SPMAP2: variants seen among roughly 807,000 people sequenced by gnomAD.
The protein encoded by SPMAP2 is Theg homolog.
At chr19:367,316 A>C in the SPMAP2 span, 1 of 1,203,086 alleles carries the variant, frequency 8.3e-7, no homozygotes, top group Admixed American at 2.9e-5. Context: ...CAACACTGAA[A>C]GACACAAGAC....
At chr19:363,394 T>A in the SPMAP2 span, among the ~76,000 whole-genome samples, 2 of 151,452 alleles carry the variant, frequency 1.3e-5, no homozygotes, top group Non-Finnish European at 3.0e-5. Context: ...GGTTTCACCA[T>A]GTTGGCCAGG....
chr19:372,633 G>T, the SPMAP2 span: 2 of 1,613,534 alleles, frequency 1.2e-6, no homozygotes, highest in Non-Finnish European at 8.5e-7. Context: ...TCCCCCACCT[G>T]TTGTTGTTGT....
At chr19:363,494 ATT>A in the SPMAP2 span, among the ~76,000 whole-genome samples, 5 of 144,820 alleles carry the variant, frequency 3.5e-5, no homozygotes, top group Non-Finnish European at 1.5e-5. Flanking sequence ...TGCCTGGCCT[ATT>A]TTTTATTTTA....
At chr19:366,984 C>G in the SPMAP2 span, 1 of 1,459,468 alleles carries the variant, frequency 6.9e-7, no homozygotes, top group Non-Finnish European at 9.2e-7. Context: ...TTCCCTCTGC[C>G]CGCTCTAGGC....
the SPMAP2 span, among the ~76,000 whole-genome samples, chr19:364,322 GCGAAGCTCTGTCT>G: frequency 7.9e-6 from 1 of 126,110 alleles, no homozygotes; most frequent in Non-Finnish European, 1.6e-5. Flanking sequence ...GGGTGACAGA[GCGAAGCTCTGTCT>G]CAAAAAAAAA....
At chr19:375,740 G>A in the SPMAP2 span, 4 of 1,609,518 alleles carry the variant, frequency 2.5e-6, no homozygotes, top group Non-Finnish European at 3.4e-6. Flanking sequence ...TGGGATCCAG[G>A]GTCTCCGGGA....
the SPMAP2 span, among the ~76,000 whole-genome samples, chr19:363,270 G>A: frequency 5.9e-5 from 9 of 151,940 alleles, no homozygotes; most frequent in Non-Finnish European, 8.8e-5. Context: ...TCGGCTCACT[G>A]CAACCTCCGC....
At chr19:373,589 A>G in the SPMAP2 span, 2,544 of 1,564,586 alleles carry the variant, frequency 1.6e-3, 2 homozygotes, top group Non-Finnish European at 2.0e-3. Flanking sequence ...CCTGCCCGGA[A>G]ACAAGCCTGG....
the SPMAP2 span, among the ~76,000 whole-genome samples, chr19:369,117 C>T: frequency 6.6e-6 from 1 of 152,174 alleles, no homozygotes; most frequent in South Asian, 2.1e-4. Context: ...GGGAGAGATG[C>T]TGTCACTTTA....
At chr19:365,192 G>A in the SPMAP2 span, among the ~76,000 whole-genome samples, 3 of 152,210 alleles carry the variant, frequency 2.0e-5, no homozygotes, top group Non-Finnish European at 4.4e-5. Flanking sequence ...TCCATATACT[G>A]GTACAGGTGT....
the SPMAP2 span, chr19:374,248 A>T: frequency 6.9e-6 from 11 of 1,604,038 alleles, no homozygotes; most frequent in Admixed American, 1.8e-4. Context: ...AAGGGTGCAG[A>T]GAAAGCCGCC....
the SPMAP2 span, among the ~76,000 whole-genome samples, chr19:370,373 G>A: frequency 9.3e-5 from 14 of 149,748 alleles, no homozygotes; most frequent in Non-Finnish European, 1.6e-4. Flanking sequence ...GCGGAGTCTC[G>A]CTCTGTCGCC....
chr19:370,119 G>A, the SPMAP2 span, among the ~76,000 whole-genome samples: 1 of 152,226 alleles, frequency 6.6e-6, no homozygotes, highest in Non-Finnish European at 1.5e-5. Flanking sequence ...GAGCGCCTGA[G>A]CGCAATCCCC....
chr19:362,730 C>G, the SPMAP2 span, among the ~76,000 whole-genome samples: 3 of 144,086 alleles, frequency 2.1e-5, no homozygotes, highest in African/African-American at 7.9e-5. Flanking sequence ...CGCGTCACTG[C>G]ACTCCAGCCT....
chr19:372,504 C>T, the SPMAP2 span: 34 of 914,638 alleles, frequency 3.7e-5, no homozygotes, highest in African/African-American at 3.3e-4. Context: ...AGGCCAGCCC[C>T]GTCTGAACAC....
the SPMAP2 span, among the ~76,000 whole-genome samples, chr19:366,746 G>A: frequency 1.7e-4 from 26 of 152,180 alleles, no homozygotes; most frequent in African/African-American, 4.6e-4. Context: ...TACCCTTGTC[G>A]TTGAGGAAAA....
At chr19:362,176 G>A in the SPMAP2 span, 1 of 1,453,898 alleles carries the variant, frequency 6.9e-7, no homozygotes, top group Non-Finnish European at 9.1e-7. Flanking sequence ...GGGTGCCTGA[G>A]GGTGTTTACT....
chr19:374,745 T>C, the SPMAP2 span: 117 of 299,950 alleles, frequency 3.9e-4, no homozygotes, highest in Admixed American at 1.4e-3. Flanking sequence ...TAGTGTTTAC[T>C]CATCTCACAG....
the SPMAP2 span, among the ~76,000 whole-genome samples, chr19:372,067 G>C: frequency 6.6e-6 from 1 of 152,232 alleles, no homozygotes; most frequent in Non-Finnish European, 1.5e-5. Context: ...ACAGAGGCGT[G>C]AGGACAGTGT....
Sources: gnomAD v4.1 joint callset for allele counts (sites outside exome capture counted in the v4.1 genomes callset) on GRCh38, gnomAD v4.1.1 for gene constraint, MANE v1.5 for transcripts, NCBI Gene and HGNC (gene_info 2026-07-23, HGNC 2026-07-21) for gene names.